Variants in PPARG observed in about 807,000 individuals in gnomAD.
PPARG encodes peroxisome proliferator-activated receptor gamma.
A neutral mutation model predicts 39.2 loss-of-function variants in PPARG; 17 were observed. That is an observed-to-expected ratio of 0.43 (90% confidence interval 0.30 to 0.65). The LOEUF is 0.65. Among genes scored for constraint, PPARG ranks in the 30% least tolerant of loss-of-function variants. The probability of loss-of-function intolerance (pLI) is 0.13; values close to 1 mark genes in which losing one functional copy is unlikely to be tolerated. For missense variants in PPARG, 406 were observed against 585.9 expected (o/e 0.69, Z 3.17); for synonymous variants, 223 against 215.7 (o/e 1.03, Z -0.30).
intron 2 of PPARG, among the ~76,000 whole-genome samples, chr3:12,324,892 G>A (rs958075256): frequency 1.3e-5 from 2 of 152,138 alleles, no homozygotes. Flanking sequence ...GCTCTCTACT[G>A]TGTCCTCAGC....
chr3:12,414,879 A>G (rs1410769127), intron 6 of PPARG, among the ~76,000 whole-genome samples: 1 of 152,180 alleles, frequency 6.6e-6, no homozygotes, highest in Non-Finnish European at 1.5e-5. Context: ...TTTTTTGGTA[A>G]CAAAAGTAAA....
At chr3:12,321,301 C>T (rs984978797) in intron 2 of PPARG, among the ~76,000 whole-genome samples, 9 of 152,128 alleles carry the variant, frequency 5.9e-5, no homozygotes, top group African/African-American at 2.2e-4. Flanking sequence ...TAAAAAGTCT[C>T]ACTAATGAAT....
rs374167961 is a variant in PPARG at position 12,305,009 on chromosome 3, A to G, written c.-82-7371A>G. 9.2e-5 allele frequency among the ~76,000 whole-genome samples: 14 copies of G among 151,414 alleles called. No homozygotes were observed. The East Asian group carries it at 1.9e-3, about 21-fold the overall frequency. On this transcript the variant is annotated intron_variant, in intron 1 of 7. Coordinates refer to ENST00000651735, the MANE Select transcript of PPARG (RefSeq NM_138711.6). ...AATGTCTGAGCCTTTCTTGTCTTCT[A>G]TCTTCTTTCCTTCCTTTCTTCCTCT...
intron 7 of PPARG, among the ~76,000 whole-genome samples, chr3:12,429,234 G>C (rs1294919186): frequency 1.3e-5 from 2 of 152,118 alleles, no homozygotes; most frequent in Non-Finnish European, 2.9e-5. Context: ...TGCCAAAGAG[G>C]GGTTTGAAAA....
chr3:12,382,587 T>C (rs559473509), intron 4 of PPARG, among the ~76,000 whole-genome samples: 1 of 152,346 alleles, frequency 6.6e-6, no homozygotes, highest in South Asian at 2.1e-4. Context: ...CTGATTTTTA[T>C]TGAATTCTTA....
intron 7 of PPARG, among the ~76,000 whole-genome samples, chr3:12,418,304 G>T (rs1014135998): frequency 6.6e-6 from 1 of 152,070 alleles, no homozygotes; most frequent in African/African-American, 2.4e-5. Flanking sequence ...ATGAGTAGAA[G>T]AAAGTTTTAC....
chr3:12,355,367 C>A (rs904076731), intron 2 of PPARG, among the ~76,000 whole-genome samples: 2 of 152,136 alleles, frequency 1.3e-5, no homozygotes, highest in African/African-American at 4.8e-5. Flanking sequence ...AACTCCTGGG[C>A]TCAAGGAATT....
intron 2 of PPARG, among the ~76,000 whole-genome samples, chr3:12,361,617 G>A (rs560795892): frequency 2.0e-5 from 3 of 152,300 alleles, no homozygotes; most frequent in Admixed American, 1.3e-4. Context: ...CCACTCCCCA[G>A]CAGTGACATT....
chr3:12,399,382 A>G (rs575128104), intron 5 of PPARG: 5 of 456,576 alleles, frequency 1.1e-5, no homozygotes, highest in African/African-American at 1.0e-4. Flanking sequence ...AGATTGCCAA[A>G]TCCTGCAGAA....
intron 2 of PPARG, among the ~76,000 whole-genome samples, chr3:12,314,114 T>C (rs2047324764): frequency 6.6e-6 from 1 of 151,980 alleles, no homozygotes; most frequent in South Asian, 2.1e-4. Flanking sequence ...CCATCTCTAC[T>C]AAAAATATAA....
intron 1 of PPARG, 121 bp downstream of exon 1, chr3:12,289,255 G>T (rs541198598): frequency 6.3e-4 from 96 of 152,208 alleles, no homozygotes; most frequent in African/African-American, 2.3e-3. Flanking sequence ...TTTATAAGAA[G>T]AATCCAATTC....
chr3:12,397,560 G>C (rs1238422279), intron 5 of PPARG, among the ~76,000 whole-genome samples: 1 of 151,604 alleles, frequency 6.6e-6, no homozygotes, highest in Non-Finnish European at 1.5e-5. Context: ...ACAGGCGCCT[G>C]CCACCATGCC....
chr3:12,381,523 T>C, intron 4 of PPARG, 32 bp downstream of exon 4: 1 of 1,603,688 alleles, frequency 6.2e-7, no homozygotes. Context: ...AAAGAAATTG[T>C]TGAAACTTTA....
chr3:12,412,279 TA>T (rs950271096), intron 6 of PPARG, among the ~76,000 whole-genome samples: 98 of 149,926 alleles, frequency 6.5e-4, no homozygotes, highest in African/African-American at 2.1e-3. Flanking sequence ...TTCAAAAAGG[TA>T]AAAAAAAAAT....
At chr3:12,302,194 G>A (rs998252831) in intron 1 of PPARG, among the ~76,000 whole-genome samples, 5 of 152,098 alleles carry the variant, frequency 3.3e-5, no homozygotes, top group Admixed American at 3.3e-4. Context: ...ACTAAACTTT[G>A]GAAGCTCAGG....
Position 12,434,244 on chromosome 3 carries a change from TAAAAA to T in PPARG, c.*100_*104del. On this transcript the variant is annotated 3_prime_UTR_variant, in exon 8 of 8. Transcript: ENST00000651735. This position sits in a 1 kb window ranked among gnomAD's most constrained non-coding sequence, Gnocchi z 4.2. ...AGAAATTTACTGTGAAAAAGCATTT[TAAAAA>T]GAAAAGGTTTTAGAATATGATCTAT... is the stretch of plus-strand genomic sequence containing the variant. 1 of 1,485,076 alleles carries T rather than the reference TAAAAA, an allele frequency of 6.7e-7. No homozygotes were observed. The highest frequency in any genetic ancestry group is 1.9e-5 in the Admixed American group (1 of 53,288). The allele number at this position is 1,485,076 out of a possible 1,614,324, so 92.0% of individuals were successfully genotyped here.
chr3:12,352,190 G>A (rs573284156), intron 2 of PPARG, among the ~76,000 whole-genome samples: 1 of 152,336 alleles, frequency 6.6e-6, no homozygotes, highest in African/African-American at 2.4e-5. Flanking sequence ...TAAATTCCCA[G>A]AGTGTAGGAC....
chr3:12,384,379 C>T (rs560731785), intron 4 of PPARG, among the ~76,000 whole-genome samples: 52 of 152,158 alleles, frequency 3.4e-4, no homozygotes, highest in South Asian at 4.1e-4. Flanking sequence ...AGATATAGAA[C>T]AGCAGTTAGG....
At chr3:12,412,790 T>C (rs894977414) in intron 6 of PPARG, among the ~76,000 whole-genome samples, 1 of 152,204 alleles carries the variant, frequency 6.6e-6, no homozygotes, top group African/African-American at 2.4e-5. Flanking sequence ...ACTCCACTAC[T>C]GTGTATATTT....
Sources: gnomAD v4.1 joint callset for allele counts (sites outside exome capture counted in the v4.1 genomes callset) on GRCh38, gnomAD v4.1.1 for gene constraint, Gnocchi (gnomAD v3.1) non-coding constraint, MANE v1.5 for transcripts, NCBI Gene and HGNC (gene_info 2026-07-23, HGNC 2026-07-21) for gene names.